The following DNM3 variants were observed in gnomAD, a reference collection of about 807,000 sequenced individuals.
DNM3 encodes the protein dynamin 3, also known as dynamin-3.
DNM3 carries 47 observed loss-of-function variants against 101.6 expected under a neutral mutation model. That is an observed-to-expected ratio of 0.46 (90% CI 0.37 to 0.59). DNM3 has a LOEUF of 0.59. Among genes scored for constraint, DNM3 ranks in the 20% least tolerant of loss-of-function variants. The pLI is 0.00. For synonymous variants in DNM3, 385 were observed against 387.9 expected (o/e 0.99, Z 0.09); for missense variants, 849 against 1,085.7 (o/e 0.78, Z 3.06).
At chr1:171,943,935 A>G (rs1174497108) in intron 2 of DNM3, among the ~76,000 whole-genome samples, 1 of 152,190 alleles carries the variant, frequency 6.6e-6, no homozygotes, top group African/African-American at 2.4e-5. Flanking sequence ...TCCCCTATGA[A>G]TGTATTATTG....
intron 16 of DNM3, chr1:172,310,553 CCT>C (rs2148878774): frequency 6.6e-6 from 1 of 152,284 alleles, no homozygotes; most frequent in African/African-American, 2.4e-5. Flanking sequence ...TGAGGGAAGG[CCT>C]CTTTGAAGAG....
intron 1 of DNM3, among the ~76,000 whole-genome samples, chr1:171,844,901 A>G (rs996936021): frequency 2.0e-5 from 3 of 152,226 alleles, no homozygotes; most frequent in African/African-American, 2.4e-5. Context: ...TGCAGTGGTG[A>G]TGATAATAAT....
Position 171,944,854 on chromosome 1 carries a change from CCTTTTTTTTTTTTTT to C in DNM3, c.235+23034_235+23048del, listed in dbSNP as rs1380161128. On this transcript the variant is annotated intron_variant, in intron 2 of 20. Transcript: ENST00000627582. ...TTTGTTTTCTTTTTTTTTGGTGTTT[CCTTTTTTTTTTTTTT>C]TTTTTTTTTTTTGAGGCAGGGTCTC... is the stretch of plus-strand genomic sequence containing the variant. Among the ~76,000 whole-genome samples, 41 of 37,586 alleles carry C rather than the reference CCTTTTTTTTTTTTTT, an allele frequency of 1.1e-3. 3 individuals carry two copies. The highest frequency in any genetic ancestry group is 3.3e-3 in the African/African-American group (37 of 11,082). 24.7% of individuals were successfully genotyped at this position (37,586 alleles called of 152,430 possible).
chr1:172,295,005 C>A (rs868334797), intron 15 of DNM3, among the ~76,000 whole-genome samples: 17 of 151,170 alleles, frequency 1.1e-4, no homozygotes, highest in Admixed American at 9.9e-4. Context: ...TCATACACAA[C>A]AAAGATGGAA....
At chr1:172,009,246 T>G (rs1034350312) in intron 4 of DNM3, among the ~76,000 whole-genome samples, 5 of 148,086 alleles carry the variant, frequency 3.4e-5, no homozygotes, top group Non-Finnish European at 7.4e-5. Flanking sequence ...TGTGTGTATC[T>G]AACCCTATGC....
intron 14 of DNM3, chr1:172,142,322 T>C (rs1324567350): frequency 6.6e-6 from 1 of 152,120 alleles, no homozygotes; most frequent in East Asian, 1.9e-4. Flanking sequence ...TGTGGGCGTG[T>C]GTACCAGCGC....
At chr1:172,394,055 T>G (rs1367404989) in intron 20 of DNM3, 3 of 152,352 alleles carry the variant, frequency 2.0e-5, no homozygotes, top group African/African-American at 7.2e-5. Flanking sequence ...ATCAAAAGCC[T>G]TGTTCCAATT....
intron 4 of DNM3, among the ~76,000 whole-genome samples, chr1:172,030,907 T>C (rs1164761225): frequency 6.6e-6 from 1 of 152,106 alleles, no homozygotes; most frequent in Admixed American, 6.6e-5. Flanking sequence ...ACACAACAGA[T>C]GCTGGAGAGG....
intron 1 of DNM3, 72 bp from the exon 2 acceptor site, chr1:171,921,676 G>C: frequency 8.0e-7 from 1 of 1,244,804 alleles, no homozygotes; most frequent in Non-Finnish European, 1.2e-6. Context: ...AATTGCTGTG[G>C]AACTTGGTTT....
intron 4 of DNM3, among the ~76,000 whole-genome samples, chr1:172,031,516 T>A (rs762224406): frequency 1.8e-5 from 2 of 113,512 alleles, no homozygotes; most frequent in Non-Finnish European, 3.9e-5. Flanking sequence ...CTCGTATACC[T>A]ATGTAACAGA....
At chr1:172,339,089 A>C (rs770191846) in intron 17 of DNM3, 2 of 484,906 alleles carry the variant, frequency 4.1e-6, no homozygotes, top group Admixed American at 4.5e-5. Flanking sequence ...AGTTGGGGGG[A>C]ACATCTCACT....
chr1:172,315,176 G>C (rs1022810119), intron 16 of DNM3, among the ~76,000 whole-genome samples: 30 of 152,278 alleles, frequency 2.0e-4, no homozygotes, highest in African/African-American at 7.0e-4. Context: ...CTGCAGCTGA[G>C]GGTCCTGTCT....
At chr1:172,136,534 A>G (rs968102936) in intron 14 of DNM3, 1 of 152,180 alleles carries the variant, frequency 6.6e-6, no homozygotes, top group African/African-American at 2.4e-5. Context: ...ATTGAACTCT[A>G]ATCCACTTAT....
At chr1:172,065,382 G>A (rs1270552684) in intron 10 of DNM3, among the ~76,000 whole-genome samples, 3 of 152,140 alleles carry the variant, frequency 2.0e-5, no homozygotes, top group African/African-American at 7.2e-5. Context: ...CTGTCTGAGT[G>A]CAGGCGGAAT....
chr1:172,198,467 A>G (rs1186623587), intron 14 of DNM3, among the ~76,000 whole-genome samples: 1 of 151,960 alleles, frequency 6.6e-6, no homozygotes, highest in Non-Finnish European at 1.5e-5. Context: ...AATTTTTTGG[A>G]ATGGTATCTG....
At chr1:172,282,381 G>A (rs2586389) in intron 15 of DNM3, among the ~76,000 whole-genome samples, 46,900 of 151,758 alleles carry the variant, frequency 0.31, 7,689 homozygotes, top group African/African-American at 0.43. Flanking sequence ...AACCCTCTTA[G>A]TACTATCCCC....
In DNM3 at chr1:172,408,758, T is replaced by A; in HGVS notation, c.*917T>A. The A allele has an allele frequency of 1.0e-6, 1 of 985,208 alleles. No individual in the cohort carries two copies. Among genetic ancestry groups the A allele is most frequent in the Non-Finnish European group, 1.2e-6 (1 of 829,766 alleles). The allele number at this position is 985,208 out of a possible 1,614,324, so 61.0% of individuals were successfully genotyped here. On this transcript the variant is annotated 3_prime_UTR_variant, in exon 21 of 21. Coordinates refer to ENST00000627582, the MANE Select transcript of DNM3 (RefSeq NM_015569.5). ...ATTATTATTTTGGTTGGAAAAAAAA[T>A]TCACTCTTTACGTGCTAATTTGTAA... is the stretch of plus-strand genomic sequence containing the variant.
At chr1:172,343,313 C>T (rs907985467) in intron 17 of DNM3, among the ~76,000 whole-genome samples, 4 of 151,146 alleles carry the variant, frequency 2.6e-5, no homozygotes, top group African/African-American at 7.3e-5. Flanking sequence ...CTAAAAACAA[C>T]AAAATTCCAA....
Position 172,411,736 on chromosome 1 carries a change from T to C in DNM3, c.*3895T>C. ...CCTCAGAATGAAGAATAAAGCCTACTAGGTCTCTAACTGTTGAACTCATGA... is the reference window on the plus strand; with the variant it reads ...CCTCAGAATGAAGAATAAAGCCTACCAGGTCTCTAACTGTTGAACTCATGA... On this transcript the variant is annotated 3_prime_UTR_variant, in exon 21 of 21. Transcript: ENST00000627582. The C allele has an allele frequency of 6.1e-6, 6 of 985,332 alleles. No homozygotes were observed. The highest frequency in any genetic ancestry group is 1.1e-4 in the East Asian group (1 of 8,816). 61.0% of individuals were successfully genotyped at this position (985,332 alleles called of 1,614,324 possible).
Sources: gnomAD v4.1 joint callset for allele counts (sites outside exome capture counted in the v4.1 genomes callset) on GRCh38, gnomAD v4.1.1 for gene constraint, MANE v1.5 for transcripts, NCBI Gene and HGNC (gene_info 2026-07-23, HGNC 2026-07-21) for gene names.